Variants in NT5E observed in about 807,000 individuals in gnomAD.
NT5E encodes 5'-nucleotidase.
NT5E carries 53 observed loss-of-function variants against 55.1 expected under a neutral mutation model. The observed-to-expected ratio is 0.96, with a 90% CI of 0.77 to 1.21. NT5E has a LOEUF of 1.21. NT5E is among the 50% of genes most tolerant of loss of function. The pLI is 0.00. For missense variants in NT5E, 683 were observed against 724.3 expected (o/e 0.94, Z 0.65); for synonymous variants, 270 against 278.4 (o/e 0.97, Z 0.30).
intron 1 of NT5E, among the ~76,000 whole-genome samples, chr6:85,460,835 A>T (rs1243865706): frequency 6.6e-6 from 1 of 152,206 alleles, no homozygotes; most frequent in Non-Finnish European, 1.5e-5. Context: ...GGTGGTTAAC[A>T]CAGGAACCAG....
intron 2 of NT5E, among the ~76,000 whole-genome samples, chr6:85,469,051 A>C (rs1430924729): frequency 6.6e-6 from 1 of 152,206 alleles, no homozygotes; most frequent in African/African-American, 2.4e-5. Flanking sequence ...CTTTGACCCT[A>C]ATCAAGCCCA....
intron 1 of NT5E, among the ~76,000 whole-genome samples, chr6:85,463,895 TTGTC>T (rs575928758): frequency 3.4e-4 from 52 of 152,186 alleles, no homozygotes; most frequent in African/African-American, 1.2e-3. Flanking sequence ...ACAAAGGAAT[TTGTC>T]TGCATTAATT....
chr6:85,486,506 G>A (rs184550166), intron 4 of NT5E, among the ~76,000 whole-genome samples: 12 of 152,172 alleles, frequency 7.9e-5, no homozygotes, highest in South Asian at 4.2e-4. Flanking sequence ...CCATGCGTCC[G>A]TTTATAGGCT....
chr6:85,487,444 C>T lies in NT5E; in HGVS notation c.1059C>T (p.Cys353=), dbSNP rs1388648932. Residue 353 remains cysteine, a synonymous_variant, in exon 5 of 9, where the codon TGC becomes TGT. Coordinates refer to ENST00000257770, the MANE Select transcript of NT5E (RefSeq NM_002526.4). The stretch of plus-strand genomic sequence containing the variant: ...ATCTGGATGGCTCCTCTCAATCATG[C>T]CGCTTTAGAGAATGCAACATGGGCA... ...IVYLDGSSQS[C]RFRECNMGNL... is the part of the protein sequence containing the mutation. 6.2e-7 allele frequency: 1 copy of T among 1,614,110 alleles called. No homozygotes were observed. The highest frequency in any genetic ancestry group is 8.5e-7 in the Non-Finnish European group (1 of 1,179,994).
intron 8 of NT5E, among the ~76,000 whole-genome samples, chr6:85,492,833 C>A (rs916932812): frequency 1.8e-4 from 27 of 152,314 alleles, no homozygotes; most frequent in Admixed American, 1.6e-3. Context: ...AGCTTCTTGG[C>A]ATCTCTGGGT....
chr6:85,466,656 G>C lies in NT5E; in HGVS notation c.340-404G>C, dbSNP rs181635667. ...ACATTTCAGGTTGCCTTTTGCTAAAGTCCTGCTGATGTTAATCATTCTCTC... is the reference window on the plus strand; with the variant it reads ...ACATTTCAGGTTGCCTTTTGCTAAACTCCTGCTGATGTTAATCATTCTCTC... On this transcript the variant is annotated intron_variant, in intron 1 of 8. Coordinates refer to ENST00000257770, the MANE Select transcript of NT5E (RefSeq NM_002526.4). 3.7e-3 allele frequency among the ~76,000 whole-genome samples: 561 copies of C among 152,288 alleles called. 10 individuals carry two copies. Among genetic ancestry groups the C allele is most frequent in the Admixed American group, 0.034 (521 of 15,300 alleles).
At position 85,450,660 on chromosome 6, in the gene NT5E, T is replaced by C. The variant is rs765918791; in HGVS notation, c.339+182T>C. Among the ~76,000 whole-genome samples the C allele has an allele frequency of 6.6e-6, 1 of 152,166 alleles. No individual in the cohort carries two copies. The highest frequency in any genetic ancestry group is 1.5e-5 in the Non-Finnish European group (1 of 68,036). ...TAGAAGTCCCTTGGACGATTCGTCT[T>C]AAACGGACGTTATTGCGCCCCCACT... is the stretch of plus-strand genomic sequence containing the variant. On this transcript the variant is annotated intron_variant, in intron 1 of 8. Transcript: ENST00000257770. This position sits in a 1 kb window ranked among gnomAD's most constrained non-coding sequence, Gnocchi z 4.0.
chr6:85,468,653 G>T lies in NT5E; in HGVS notation c.562+1371G>T, dbSNP rs1769242668. On this transcript the variant is annotated intron_variant, in intron 2 of 8. Coordinates refer to ENST00000257770, the MANE Select transcript of NT5E (RefSeq NM_002526.4). Reference sequence around the variant, plus strand: ...ACAGCAGATAGTTCCATTTCCTGGAGCATGGGTTCTGACTAGGAAAAGCTA... The same window carrying T: ...ACAGCAGATAGTTCCATTTCCTGGATCATGGGTTCTGACTAGGAAAAGCTA... Among the ~76,000 whole-genome samples the T allele has an allele frequency of 1.3e-5, 2 of 152,246 alleles. 1 individual carries two copies. The highest frequency in any genetic ancestry group is 4.1e-4 in the South Asian group (2 of 4,836).
At chr6:85,490,728 C>T (rs1468504229) in intron 7 of NT5E, 71 bp downstream of exon 7, 32 of 1,563,204 alleles carry the variant, frequency 2.0e-5, no homozygotes, top group Non-Finnish European at 2.8e-5. Context: ...GGCTCAGCTT[C>T]CCCTTCACCA....
Position 85,471,288 on chromosome 6 carries a change from A to G in NT5E, c.614A>G (p.Asp205Gly). The stretch of plus-strand genomic sequence containing the variant: ...ATCACTGCATTACAACCTGAAGTAG[A>G]TAAGTTAAAAACTCTAAATGTGAAC... Reference protein sequence around the residue: ...DEITALQPEVDKLKTLNVNKI... With the variant: ...DEITALQPEVGKLKTLNVNKI... Residue 205 changes from aspartate to glycine, a missense_variant, in exon 3 of 9, where the codon GAT (aspartate) becomes GGT (glycine). By Grantham distance (94) the Asp-to-Gly change is moderately conservative. Coordinates refer to ENST00000257770, the MANE Select transcript of NT5E (RefSeq NM_002526.4). The G allele has an allele frequency of 1.2e-6, 2 of 1,612,258 alleles. No individual in the cohort carries two copies. Among genetic ancestry groups the G allele is most frequent in the Non-Finnish European group, 1.7e-6 (2 of 1,178,748 alleles).
Position 85,487,397 on chromosome 6 carries a change from G to A in NT5E, c.1012G>A (p.Glu338Lys), listed in dbSNP as rs746954359. Reference sequence around the variant, plus strand: ...AAAATTGGATAATTATTCTACCCAGGAATTAGGGAAAACAATTGTCTATCT... The same window carrying A: ...AAAATTGGATAATTATTCTACCCAGAAATTAGGGAAAACAATTGTCTATCT... ...RIKLDNYSTQ[E>K]LGKTIVYLDG... Residue 338 changes from glutamate (E) to lysine (K), a missense_variant, in exon 5 of 9, where the codon GAA (glutamate) becomes AAA (lysine). Coordinates refer to ENST00000257770, the MANE Select transcript of NT5E (RefSeq NM_002526.4). 1.9e-6 allele frequency: 3 copies of A among 1,613,754 alleles called. No individual in the cohort carries two copies. The highest frequency in any genetic ancestry group is 2.5e-6 in the Non-Finnish European group (3 of 1,179,680).
chr6:85,494,111 G>C lies in NT5E; in HGVS notation c.*107G>C. The C allele has an allele frequency of 1.0e-6, 1 of 1,004,600 alleles. No homozygotes were observed. The highest frequency in any genetic ancestry group is 1.5e-6 in the Non-Finnish European group (1 of 652,504). The allele number at this position is 1,004,600 out of a possible 1,614,324, so 62.2% of individuals were successfully genotyped here. A position where few individuals can be genotyped will look rare whatever the true frequency, so the allele number is the denominator to read the frequency against. On this transcript the variant is annotated 3_prime_UTR_variant, in exon 9 of 9. Transcript: ENST00000257770. ...GTGACAGCAAAAACCATCTTTACAG[G>C]CTCCTAGAAGCTGAAGGTTAGAGCA...
chr6:85,484,008 C>T (rs1189504798), intron 3 of NT5E, among the ~76,000 whole-genome samples: 1 of 152,164 alleles, frequency 6.6e-6, no homozygotes, highest in Non-Finnish European at 1.5e-5. Flanking sequence ...CTATGACAAT[C>T]AATTTTCTTG....
intron 1 of NT5E, among the ~76,000 whole-genome samples, chr6:85,463,377 A>G (rs1477437732): frequency 6.6e-6 from 1 of 152,240 alleles, no homozygotes; most frequent in African/African-American, 2.4e-5. Context: ...CAAGAGAGAA[A>G]GAGCATCAGA....
At chr6:85,461,986 T>C (rs1182024856) in intron 1 of NT5E, among the ~76,000 whole-genome samples, 1 of 152,080 alleles carries the variant, frequency 6.6e-6, no homozygotes, top group Non-Finnish European at 1.5e-5. Context: ...AGGATGCATA[T>C]GGTTCCTGTT....
intron 1 of NT5E, among the ~76,000 whole-genome samples, chr6:85,451,602 A>G (rs1768859477): frequency 1.3e-5 from 2 of 152,192 alleles, no homozygotes; most frequent in African/African-American, 4.8e-5. Flanking sequence ...GGGAGAAGAA[A>G]AAAGAGCTTT....
chr6:85,467,319 T>C lies in NT5E; in HGVS notation c.562+37T>C, dbSNP rs371568494. 64 of 1,530,264 alleles carry C rather than the reference T, an allele frequency of 4.2e-5. No homozygotes were observed. In the African/African-American group the frequency reaches 7.2e-4, roughly 17 times the overall value. 94.8% of individuals were successfully genotyped at this position (1,530,264 alleles called of 1,614,324 possible). A position where few individuals can be genotyped will look rare whatever the true frequency, so the allele number is the denominator to read the frequency against. The stretch of plus-strand genomic sequence containing the variant: ...TTTTATAGCACTCAATGCTTGAAAA[T>C]AGATGCCCTAAATCACAGCTTGGCA... On this transcript the variant is annotated intron_variant, in intron 2 of 8. Transcript: ENST00000257770.
rs201030440 is a variant in NT5E at position 85,485,475 on chromosome 6, G to C, written c.949+43G>C. 335 of 1,584,398 alleles carry C rather than the reference G, an allele frequency of 2.1e-4. 4 individuals carry two copies. The South Asian group carries it at 3.4e-3, about 16-fold the overall frequency. On this transcript the variant is annotated intron_variant, in intron 4 of 8. Coordinates refer to ENST00000257770, the MANE Select transcript of NT5E (RefSeq NM_002526.4). ...GAATGTTCCACCAATCTAAAATTTA[G>C]ATGGCTGGATATTTTGCTCCTTCCC...
chr6:85,473,540 C>T (rs998183207), intron 3 of NT5E, among the ~76,000 whole-genome samples: 3 of 152,150 alleles, frequency 2.0e-5, no homozygotes, highest in African/African-American at 7.2e-5. Context: ...AAAGTTTAAA[C>T]TATGACCCGT....
Sources: gnomAD v4.1 joint callset for allele counts (sites outside exome capture counted in the v4.1 genomes callset) on GRCh38, gnomAD v4.1.1 for gene constraint, Gnocchi (gnomAD v3.1) non-coding constraint, MANE v1.5 for transcripts, NCBI Gene and HGNC (gene_info 2026-07-23, HGNC 2026-07-21) for gene names.